Variants in AGBL4 observed in about 807,000 individuals in gnomAD.
The protein encoded by AGBL4 is cytosolic carboxypeptidase 6.
Under a neutral mutation model 66.4 loss-of-function variants are expected in AGBL4, and 58 were observed. The observed-to-expected ratio is 0.87, with a 90% CI of 0.71 to 1.09. The LOEUF is 1.09. Ranked by LOEUF, AGBL4 falls within the 50% of genes least tolerant of loss-of-function variation. The probability of loss-of-function intolerance (pLI) is 0.00; values close to 1 mark genes in which losing one functional copy is unlikely to be tolerated. For synonymous variants in AGBL4, 234 were observed against 222.9 expected, an observed-to-expected ratio of 1.05 and a Z score of -0.44; for missense variants, 579 against 631.0, an observed-to-expected ratio of 0.92 and a Z score of 0.88.
chr1:49,051,526 G>T (rs373204950), intron 4 of AGBL4, among the ~76,000 whole-genome samples: 1 of 152,026 alleles, frequency 6.6e-6, no homozygotes, highest in Non-Finnish European at 1.5e-5. Flanking sequence ...TTTTCCCTTC[G>T]TGAGGGCAGC....
At chr1:48,812,218 G>T (rs1457816786) in intron 6 of AGBL4, among the ~76,000 whole-genome samples, 3 of 152,192 alleles carry the variant, frequency 2.0e-5, no homozygotes, top group Non-Finnish European at 4.4e-5. Flanking sequence ...AAGTTGTCCA[G>T]TGAAAACTAC....
chr1:48,782,909 G>A (rs763916406), intron 6 of AGBL4, among the ~76,000 whole-genome samples: 57 of 152,132 alleles, frequency 3.7e-4, no homozygotes, highest in Admixed American at 4.6e-4. Flanking sequence ...AATCCTCTGT[G>A]TTCCACCTAT....
chr1:49,251,510 G>T (rs1248150801), intron 3 of AGBL4, among the ~76,000 whole-genome samples: 1 of 152,106 alleles, frequency 6.6e-6, no homozygotes, highest in East Asian at 1.9e-4. Flanking sequence ...TGCTTGAGGG[G>T]CACAGAGAAG....
chr1:48,991,270 G>T (rs958352183), intron 5 of AGBL4, among the ~76,000 whole-genome samples: 2 of 151,314 alleles, frequency 1.3e-5, no homozygotes, highest in Non-Finnish European at 3.0e-5. Flanking sequence ...TGTTTTTTTT[G>T]TGTGTTTTTC....
intron 9 of AGBL4, among the ~76,000 whole-genome samples, chr1:48,595,992 A>G (rs1340468258): frequency 1.3e-5 from 2 of 152,256 alleles, no homozygotes; most frequent in Non-Finnish European, 2.9e-5. Flanking sequence ...CTTAGGCAGG[A>G]ATAACCGCAA....
chr1:48,697,254 G>A (rs549072629), intron 6 of AGBL4, among the ~76,000 whole-genome samples: 1 of 152,264 alleles, frequency 6.6e-6, no homozygotes, highest in East Asian at 1.9e-4. Flanking sequence ...TGGTTCATTA[G>A]GAGAGGAAGG....
intron 1 of AGBL4, among the ~76,000 whole-genome samples, chr1:49,970,257 T>C (rs1252267657): frequency 6.6e-6 from 1 of 151,950 alleles, no homozygotes; most frequent in Non-Finnish European, 1.5e-5. Flanking sequence ...AATAGGACTA[T>C]ATAAAACCAA....
chr1:48,771,962 C>T (rs1381050430), intron 6 of AGBL4, among the ~76,000 whole-genome samples: 6 of 152,190 alleles, frequency 3.9e-5, no homozygotes, highest in East Asian at 3.8e-4. Flanking sequence ...TAAAATCCTA[C>T]GGCAGGTTTC....
chr1:49,653,961 G>A (rs893797254), intron 3 of AGBL4, among the ~76,000 whole-genome samples: 1 of 151,960 alleles, frequency 6.6e-6, no homozygotes, highest in African/African-American at 2.4e-5. Context: ...ACAAATTCAG[G>A]AAATACAGAC....
At chr1:48,711,820 G>A (rs557284070) in intron 6 of AGBL4, among the ~76,000 whole-genome samples, 80 of 152,026 alleles carry the variant, frequency 5.3e-4, no homozygotes, top group Non-Finnish European at 1.1e-3. Context: ...GACCCCAGAA[G>A]CAGCACCCTA....
chr1:49,694,907 T>C (rs1341189591), intron 3 of AGBL4, among the ~76,000 whole-genome samples: 1 of 152,148 alleles, frequency 6.6e-6, no homozygotes, highest in African/African-American at 2.4e-5. Context: ...ATAAGCTGTA[T>C]AAAGATAATC....
chr1:48,573,950 G>T (rs767555793), intron 11 of AGBL4, among the ~76,000 whole-genome samples: 1 of 152,128 alleles, frequency 6.6e-6, no homozygotes, highest in Non-Finnish European at 1.5e-5. Context: ...ACAAACTGAG[G>T]CTCAGAGAGA....
At chr1:48,652,448 A>G (rs1226547854) in intron 8 of AGBL4, among the ~76,000 whole-genome samples, 1 of 152,172 alleles carries the variant, frequency 6.6e-6, no homozygotes, top group African/African-American at 2.4e-5. Flanking sequence ...GGCTTTCCTC[A>G]ACGCAGCTGC....
intron 8 of AGBL4, among the ~76,000 whole-genome samples, chr1:48,650,729 T>C (rs1249213615): frequency 1.3e-5 from 2 of 152,214 alleles, no homozygotes; most frequent in Admixed American, 6.5e-5. Context: ...TCCCAAAATG[T>C]GTTTCAGAAA....
Position 49,845,495 on chromosome 1 carries a change from A to G in AGBL4, c.157+5901T>C, listed in dbSNP as rs999896102. ...CGAATCCACACTGGGGAGAAACCCT[A>G]TCAGTGTGGTGAGTGTGGCAAGGCC... On this transcript the variant is annotated intron_variant, in intron 2 of 13. Transcript: ENST00000371839. 1.4e-5 allele frequency: 22 copies of G among 1,574,294 alleles called. No individual in the cohort carries two copies. The African/African-American group carries it at 2.8e-4, about 20-fold the overall frequency.
intron 1 of AGBL4, among the ~76,000 whole-genome samples, chr1:49,936,896 T>C (rs1571908601): frequency 6.6e-6 from 1 of 152,322 alleles, no homozygotes; most frequent in East Asian, 1.9e-4. Context: ...TGCCGAATTA[T>C]ACAGACCATC....
intron 4 of AGBL4, among the ~76,000 whole-genome samples, chr1:49,226,376 T>G (rs1649909149): frequency 6.6e-6 from 1 of 152,232 alleles, no homozygotes; most frequent in Non-Finnish European, 1.5e-5. Context: ...ATAAGCAATA[T>G]TGAATATTTA....
chr1:49,063,847 G>A lies in AGBL4; in HGVS notation c.378-18047C>T, dbSNP rs188767623. 9.8e-5 allele frequency among the ~76,000 whole-genome samples: 15 copies of A among 152,322 alleles called. No individual in the cohort carries two copies. The East Asian group carries it at 2.9e-3, about 29-fold the overall frequency. Reference sequence around the variant, plus strand: ...TAGCAAGTGCCATTGATGTTTCCCTGTTGCTTCTGTTCCTCCAGGACAGAG... The same window carrying A: ...TAGCAAGTGCCATTGATGTTTCCCTATTGCTTCTGTTCCTCCAGGACAGAG... On this transcript the variant is annotated intron_variant, in intron 4 of 13. Coordinates refer to ENST00000371839, the MANE Select transcript of AGBL4 (RefSeq NM_032785.4).
intron 4 of AGBL4, among the ~76,000 whole-genome samples, chr1:49,096,947 T>C (rs989507510): frequency 1.3e-5 from 2 of 151,430 alleles, no homozygotes; most frequent in African/African-American, 4.8e-5. Flanking sequence ...AGCCAAAGAA[T>C]GTAAGGCTAA....
Sources: allele counts gnomAD v4.1 joint callset (sites outside exome capture counted in the v4.1 genomes callset), GRCh38; gene constraint gnomAD v4.1.1; transcripts MANE v1.5; gene names NCBI Gene and HGNC (gene_info 2026-07-23, HGNC 2026-07-21).